Variants in ERC1 observed in about 807,000 individuals in gnomAD.
The protein encoded by ERC1 is RAB6 interacting protein 2.
ERC1 carries 56 observed loss-of-function variants against 132.0 expected under a neutral mutation model. The ratio of observed to expected loss-of-function variants is 0.42; its 90% CI spans 0.34 to 0.53. ERC1 has a LOEUF of 0.53. Among genes scored for constraint, ERC1 ranks in the 20% least tolerant of loss-of-function variants. The probability of loss-of-function intolerance (pLI) is 0.03; values close to 1 mark genes in which losing one functional copy is unlikely to be tolerated. For synonymous variants in ERC1, 478 were observed against 476.1 expected (o/e 1.00, Z -0.05); for missense variants, 1,202 against 1,349.9 (o/e 0.89, Z 1.72).
intron 3 of ERC1, among the ~76,000 whole-genome samples, chr12:1,083,974 G>C: frequency 6.6e-6 from 1 of 152,128 alleles, no homozygotes; most frequent in African/African-American, 2.4e-5. Context: ...GAGAGTAAGC[G>C]GTTATCTCAG....
chr12:1,398,552 A>G (rs958458907), intron 16 of ERC1, among the ~76,000 whole-genome samples: 72 of 152,314 alleles, frequency 4.7e-4, no homozygotes, highest in African/African-American at 1.6e-3. Flanking sequence ...TTAAAAAAAT[A>G]TTTATTTCCT....
intron 14 of ERC1, among the ~76,000 whole-genome samples, chr12:1,281,161 T>A (rs2078652691): frequency 1.3e-5 from 2 of 152,250 alleles, no homozygotes; most frequent in South Asian, 4.1e-4. Context: ...GCTGAATCCC[T>A]ACATGGTCTG....
rs542919193 is a variant in ERC1, at chr12:1,315,252, G to A, written c.2780+25240G>A. 5.3e-5 allele frequency among the ~76,000 whole-genome samples: 8 copies of A among 152,262 alleles called. No homozygotes were observed. The South Asian group carries it at 1.5e-3, about 28-fold the overall frequency. ...GGCTGATCTTGAACTCCTGACGTCAGGTGATCCACCCACCTCGGCCTTCCA... is the reference window on the plus strand; with the variant it reads ...GGCTGATCTTGAACTCCTGACGTCAAGTGATCCACCCACCTCGGCCTTCCA... On this transcript the variant is annotated intron_variant, in intron 15 of 18. Transcript: ENST00000360905.
intron 18 of ERC1, among the ~76,000 whole-genome samples, chr12:1,451,474 AT>A (rs58649158): frequency 0.084 from 12,750 of 151,906 alleles, 1,793 homozygotes; most frequent in African/African-American, 0.29. Context: ...AATTTAAAAA[AT>A]TTAGCTGGAT....
At chr12:1,474,201 G>A (rs749445037) in intron 18 of ERC1, among the ~76,000 whole-genome samples, 25 of 152,162 alleles carry the variant, frequency 1.6e-4, no homozygotes, top group Non-Finnish European at 3.1e-4. Context: ...AGACCTCATG[G>A]CCTGTGACAC....
intron 18 of ERC1, among the ~76,000 whole-genome samples, chr12:1,480,286 G>A (rs2094062368): frequency 6.6e-6 from 1 of 152,176 alleles, no homozygotes; most frequent in African/African-American, 2.4e-5. Context: ...TACTCTGGAA[G>A]TGTTTTTCGA....
chr12:1,356,904 T>C (rs2085596322), intron 15 of ERC1, among the ~76,000 whole-genome samples: 1 of 152,340 alleles, frequency 6.6e-6, no homozygotes, highest in African/African-American at 2.4e-5. Flanking sequence ...TGATGAATAA[T>C]AAAATTGTTG....
At chr12:1,400,998 TG>T (rs1193333948) in intron 16 of ERC1, among the ~76,000 whole-genome samples, 1 of 137,466 alleles carries the variant, frequency 7.3e-6, no homozygotes, top group Non-Finnish European at 1.5e-5. Context: ...TGCAGTGGCG[TG>T]ATCTGGGCTC....
intron 18 of ERC1, among the ~76,000 whole-genome samples, chr12:1,467,872 G>A (rs974185369): frequency 1.3e-5 from 2 of 152,162 alleles, no homozygotes; most frequent in African/African-American, 4.8e-5. Flanking sequence ...TTCACAATAG[G>A]GTTTGCGCTC....
chr12:1,379,333 A>G (rs184466256), intron 16 of ERC1, among the ~76,000 whole-genome samples: 1 of 152,206 alleles, frequency 6.6e-6, no homozygotes, highest in Non-Finnish European at 1.5e-5. Context: ...GGTACTGCAT[A>G]TCAAGGATCC....
chr12:993,237 A>G (rs1960041894), intron 1 of ERC1, among the ~76,000 whole-genome samples: 2 of 152,344 alleles, frequency 1.3e-5, no homozygotes, highest in South Asian at 4.1e-4. Context: ...CAAAATTGAC[A>G]TATCTAGTTT....
At chr12:1,347,039 A>G (rs1195728041) in intron 15 of ERC1, among the ~76,000 whole-genome samples, 2 of 151,992 alleles carry the variant, frequency 1.3e-5, no homozygotes, top group Non-Finnish European at 2.9e-5. Flanking sequence ...TAGTCCAGAG[A>G]AGGTATTTAG....
chr12:1,019,603 C>CAAGGGGGTCTTGA (rs1555200733), intron 1 of ERC1, among the ~76,000 whole-genome samples: 1 of 152,200 alleles, frequency 6.6e-6, no homozygotes, highest in East Asian at 1.9e-4. Flanking sequence ...GGACCTCCTG[C>CAAGGGGGTCTTGA]AAGGGGGTCT....
chr12:1,135,734 G>C (rs1249943921), intron 7 of ERC1, among the ~76,000 whole-genome samples: 6 of 152,212 alleles, frequency 3.9e-5, no homozygotes, highest in Non-Finnish European at 5.9e-5. Context: ...GAGACAGCAA[G>C]AGGCAAGGAA....
At position 1,154,267 on chromosome 12, in the gene ERC1, A is replaced by G. The variant is rs1017879777; in HGVS notation, c.1737+12480A>G. 3.9e-3 allele frequency among the ~76,000 whole-genome samples: 563 copies of G among 145,666 alleles called. 2 individuals are homozygous for G. The highest frequency in any genetic ancestry group is 6.4e-3 in the Non-Finnish European group (421 of 65,718). ...TATATGTATATGTATATGTGTATATATACACATATACATGTATATATACAC... is the reference window on the plus strand; with the variant it reads ...TATATGTATATGTATATGTGTATATGTACACATATACATGTATATATACAC... On this transcript the variant is annotated intron_variant, in intron 8 of 18. Coordinates refer to ENST00000360905, the MANE Select transcript of ERC1 (RefSeq NM_178040.4).
intron 17 of ERC1, among the ~76,000 whole-genome samples, chr12:1,409,152 A>C (rs1192347350): frequency 1.3e-5 from 2 of 152,246 alleles, no homozygotes; most frequent in Non-Finnish European, 2.9e-5. Flanking sequence ...GTTGCTTCCA[A>C]GATTCGGAAG....
intron 13 of ERC1, 30 bp downstream of exon 13, chr12:1,236,934 C>G (rs369556494): frequency 1.2e-5 from 20 of 1,609,952 alleles, no homozygotes; most frequent in Admixed American, 1.7e-5. Context: ...CTGAAAGGAT[C>G]GGGTGAAGAC....
At chr12:1,329,910 T>C (rs1430638271) in intron 15 of ERC1, among the ~76,000 whole-genome samples, 1 of 152,222 alleles carries the variant, frequency 6.6e-6, no homozygotes, top group Non-Finnish European at 1.5e-5. Flanking sequence ...ACTTTTCTAG[T>C]GTGCTTGGTT....
chr12:1,405,201 T>C (rs1357038932), intron 16 of ERC1, among the ~76,000 whole-genome samples: 6 of 144,824 alleles, frequency 4.1e-5, no homozygotes, highest in Non-Finnish European at 7.5e-5. Flanking sequence ...TAATATAAAA[T>C]TGGGGGGAAC....
Sources: gnomAD v4.1 joint callset for allele counts (sites outside exome capture counted in the v4.1 genomes callset) on GRCh38, gnomAD v4.1.1 for gene constraint, MANE v1.5 for transcripts, NCBI Gene and HGNC (gene_info 2026-07-23, HGNC 2026-07-21) for gene names.